Variants in RNF17 observed in about 807,000 individuals in gnomAD.
The protein encoded by RNF17 is spermatogenesis associated 23.
RNF17 carries 31 observed loss-of-function variants against 200.5 expected under a neutral mutation model. The observed-to-expected ratio is 0.15, with a 90% CI of 0.12 to 0.21. The LOEUF (loss-of-function observed/expected upper bound fraction) is 0.21. Ranked by LOEUF, RNF17 falls within the 10% of genes least tolerant of loss-of-function variation. The pLI is 1.00. For synonymous variants in RNF17, 606 were observed against 637.8 expected, an observed-to-expected ratio of 0.95 and a Z score of 0.75; for missense variants, 1,628 against 1,905.1, an observed-to-expected ratio of 0.85 and a Z score of 2.71.
chr13:24,837,435 A>G (rs1186515460), intron 18 of RNF17, among the ~76,000 whole-genome samples: 2 of 152,122 alleles, frequency 1.3e-5, no homozygotes, highest in Non-Finnish European at 2.9e-5. Flanking sequence ...TCAACAGCGT[A>G]TGGAAATTTC....
chr13:24,788,849 TAGAAG>T (rs1162569729), intron 7 of RNF17, among the ~76,000 whole-genome samples: 1 of 152,150 alleles, frequency 6.6e-6, no homozygotes, highest in African/African-American at 2.4e-5. Context: ...ATCAGGTGTA[TAGAAG>T]AGAAGCCATT....
At chr13:24,834,730 A>C (rs1050016037) in intron 18 of RNF17, among the ~76,000 whole-genome samples, 2 of 152,164 alleles carry the variant, frequency 1.3e-5, no homozygotes, top group Non-Finnish European at 2.9e-5. Context: ...TGCCACAGGG[A>C]TTCAGTGGGA....
chr13:24,831,761 CA>C, intron 17 of RNF17, 96 bp from the exon 18 acceptor site: 2 of 1,052,702 alleles, frequency 1.9e-6, no homozygotes, highest in South Asian at 1.5e-5. Context: ...GAAATTCAAA[CA>C]TAAAGATTAG....
chr13:24,811,180 T>C (rs373378943), intron 15 of RNF17, among the ~76,000 whole-genome samples: 17,376 of 145,202 alleles, frequency 0.12, 1,113 homozygotes, highest in Admixed American at 0.21. Flanking sequence ...TGAATCTGAA[T>C]GTTGGCCTGC....
upstream of RNF17, among the ~76,000 whole-genome samples, chr13:24,763,296 A>G (rs899204481): frequency 6.8e-6 from 1 of 146,740 alleles, no homozygotes; most frequent in South Asian, 2.1e-4. Flanking sequence ...TCCGCCTCCC[A>G]GGTTCACGCC....
chr13:24,841,983 T>C, intron 18 of RNF17, 58 bp from the exon 19 acceptor site: 2 of 1,504,188 alleles, frequency 1.3e-6, no homozygotes, highest in Non-Finnish European at 9.0e-7. Flanking sequence ...AAAAATTGCC[T>C]CATTTACTAT....
chr13:24,826,747 T>A (rs112721506), intron 16 of RNF17, among the ~76,000 whole-genome samples: 2,995 of 151,162 alleles, frequency 0.02, 98 homozygotes, highest in African/African-American at 0.07. Flanking sequence ...CACTCCAGCC[T>A]GGGCGACAGA....
At chr13:24,761,076 T>C (rs918481640), upstream of RNF17, among the ~76,000 whole-genome samples, 4 of 152,200 alleles carry the variant, frequency 2.6e-5, no homozygotes, top group African/African-American at 4.8e-5. Flanking sequence ...ATTTGTTGTG[T>C]ATATTTTCGA....
At chr13:24,749,307 C>CTTTCTTTCTTTCTTTCTTT in the RNF17 span, among the ~76,000 whole-genome samples, 1 of 108,032 alleles carries the variant, frequency 9.3e-6, no homozygotes, top group Non-Finnish European at 1.8e-5. Context: ...TTCTTTCTTT[C>CTTTCTTTCTTTCTTTCTTT]TTTTTTTTTT....
the RNF17 span, among the ~76,000 whole-genome samples, chr13:24,748,350 C>G: frequency 2.6e-5 from 4 of 152,304 alleles, no homozygotes; most frequent in South Asian, 8.3e-4. Flanking sequence ...CGGCTCATAG[C>G]CCAGATAGCC....
At chr13:24,843,406 T>C (rs1247161006) in intron 19 of RNF17, among the ~76,000 whole-genome samples, 1 of 151,954 alleles carries the variant, frequency 6.6e-6, no homozygotes. Context: ...TAATCCCAGC[T>C]ACTTGGGAGG....
intron 30 of RNF17, 53 bp downstream of exon 30, chr13:24,866,256 G>A: frequency 1.1e-6 from 1 of 941,812 alleles, no homozygotes; most frequent in Non-Finnish European, 1.7e-6. Context: ...TTAATAAAAA[G>A]GATCTGATAC....
At chr13:24,812,456 C>G (rs1593316025) in intron 15 of RNF17, among the ~76,000 whole-genome samples, 2 of 152,246 alleles carry the variant, frequency 1.3e-5, no homozygotes, top group South Asian at 4.1e-4. Context: ...AACTCCCTGA[C>G]CCCTTGCGCT....
chr13:24,866,082 A>G, intron 29 of RNF17, 62 bp from the exon 30 acceptor site: 1 of 899,918 alleles, frequency 1.1e-6, no homozygotes, highest in East Asian at 2.5e-5. Flanking sequence ...GGGATGAAAT[A>G]TGGAAAGTAC....
chr13:24,806,460 CCCA>C (rs1199532122), intron 15 of RNF17, among the ~76,000 whole-genome samples: 1 of 152,172 alleles, frequency 6.6e-6, no homozygotes, highest in Non-Finnish European at 1.5e-5. Context: ...AATTTACACT[CCCA>C]CCAACAATGT....
rs1895175134 is a variant in RNF17 at position 24,879,173 on chromosome 13, T to C, written c.4774-14T>C. On this transcript the variant is annotated splice_polypyrimidine_tract_variant and intron_variant, in intron 34 of 35. Transcript: ENST00000255324. ...CATTACTGTTTTCTTGACAACTGTATCTTTTAATTTTAGGCTCCAGCACCA... is the reference window on the plus strand; with the variant it reads ...CATTACTGTTTTCTTGACAACTGTACCTTTTAATTTTAGGCTCCAGCACCA... The C allele has an allele frequency of 6.3e-7, 1 of 1,593,418 alleles. No homozygotes were observed.
Position 24,804,445 on chromosome 13 carries a change from G to A in RNF17, c.2091+16G>A, listed in dbSNP as rs770268975. 27 of 1,562,440 alleles carry A rather than the reference G, an allele frequency of 1.7e-5. No individual in the cohort carries two copies. Among genetic ancestry groups the A allele is most frequent in the Non-Finnish European group, 2.2e-5 (25 of 1,156,906 alleles). On this transcript the variant is annotated intron_variant, in intron 15 of 35. Coordinates refer to ENST00000255324, the MANE Select transcript of RNF17 (RefSeq NM_031277.3). ...TCTTCAGTTGGTAAGTATATAATGT[G>A]TTTTTGAAATGAAGTTTTTAAAAAA... is the stretch of plus-strand genomic sequence containing the variant.
At chr13:24,754,895 TAAA>T in the RNF17 span, among the ~76,000 whole-genome samples, 3 of 136,590 alleles carry the variant, frequency 2.2e-5, no homozygotes, top group Admixed American at 7.4e-5. Context: ...GACCCTGTCT[TAAA>T]AAAAAAAAAA....
At chr13:24,774,945 G>T (rs1436653566) in intron 3 of RNF17, 41 bp downstream of exon 3, 6 of 1,247,238 alleles carry the variant, frequency 4.8e-6, no homozygotes, top group Non-Finnish European at 7.0e-6. Flanking sequence ...TAAAGTCAAT[G>T]TGTTACTGAA....
Sources: allele counts gnomAD v4.1 joint callset (sites outside exome capture counted in the v4.1 genomes callset), GRCh38; gene constraint gnomAD v4.1.1; transcripts MANE v1.5; gene names NCBI Gene and HGNC (gene_info 2026-07-23, HGNC 2026-07-21).